SH3TC2: variants seen among roughly 807,000 people sequenced by gnomAD.
SH3TC2 encodes SH3 domain and tetratricopeptide repeats 2.
SH3TC2 carries 87 observed loss-of-function variants against 124.5 expected under a neutral mutation model. The ratio of observed to expected loss-of-function variants is 0.70; its 90% CI spans 0.59 to 0.84. The LOEUF is 0.84. Ranked by LOEUF, SH3TC2 falls within the 40% of genes least tolerant of loss-of-function variation. SH3TC2 has a pLI of 0.00. For synonymous variants in SH3TC2, 634 were observed against 628.5 expected, an observed-to-expected ratio of 1.01 and a Z score of -0.13; for missense variants, 1,536 against 1,566.4, an observed-to-expected ratio of 0.98 and a Z score of 0.33.
chr5:149,051,239 A>G (rs1282233100), intron 2 of SH3TC2, among the ~76,000 whole-genome samples: 2 of 152,184 alleles, frequency 1.3e-5, no homozygotes, highest in Admixed American at 1.3e-4. Context: ...TAAGAATAAG[A>G]TTTGTTTCAC....
intron 12 of SH3TC2, among the ~76,000 whole-genome samples, chr5:149,021,526 A>G (rs537171031): frequency 6.6e-6 from 1 of 152,188 alleles, no homozygotes; most frequent in Admixed American, 6.5e-5. Flanking sequence ...ATCTCTGGCT[A>G]GTCTGATCAA....
chr5:149,009,653 C>G (rs1753751733), intron 14 of SH3TC2, among the ~76,000 whole-genome samples: 1 of 152,112 alleles, frequency 6.6e-6, no homozygotes, highest in Non-Finnish European at 1.5e-5. Flanking sequence ...GATAATGAGG[C>G]TTCCTAAACT....
intron 12 of SH3TC2, among the ~76,000 whole-genome samples, chr5:149,016,836 A>C (rs1753881964): frequency 6.6e-6 from 1 of 151,590 alleles, no homozygotes; most frequent in African/African-American, 2.4e-5. Context: ...GAGGCAGGAG[A>C]ATGGCATGAA....
Position 148,988,430 on chromosome 5 carries a change from C to T in SH3TC2, c.*16281G>A, listed in dbSNP as rs142027644. Among the ~76,000 whole-genome samples, 1 of 152,174 alleles carries T rather than the reference C, an allele frequency of 6.6e-6. No individual in the cohort carries two copies. The highest frequency in any genetic ancestry group is 1.5e-5 in the Non-Finnish European group (1 of 68,040). On this transcript the variant is annotated 3_prime_UTR_variant, in exon 17 of 17. Transcript: ENST00000515425. ...CCAATAAAATATAGCAGATGTGACACTGTGTGACTTCTGAGGCCAGGTCAT... is the reference window on the plus strand; with the variant it reads ...CCAATAAAATATAGCAGATGTGACATTGTGTGACTTCTGAGGCCAGGTCAT...
rs6871030 is a variant in SH3TC2 at position 149,006,962 on chromosome 5, T to C, written c.3594A>G (p.Pro1198=). The change falls in exon 16 of 17, where the codon CCA becomes CCG. Residue 1198 remains proline, a synonymous_variant. Transcript: ENST00000515425. The part of the protein sequence containing the change: ...CYLKTLSLCP[P]WLQSPKEALY... ...GGGCCTCCTTGGGACTCTGCAGCCA[T>C]GGTGGACAGAGGGACAGGGTCTTCA... The C allele has an allele frequency of 0.044, 71,050 of 1,613,864 alleles. 5,823 individuals are homozygous for C. Among genetic ancestry groups the C allele is most frequent in the African/African-American group, 0.27 (20,506 of 74,940 alleles).
In SH3TC2 at chr5:149,042,679, CT is replaced by C; in HGVS notation, c.529+14del. 1.2e-6 allele frequency: 2 copies of C among 1,614,014 alleles called. No individual in the cohort carries two copies. The highest frequency in any genetic ancestry group is 1.7e-5 in the Admixed American group (1 of 60,018). The stretch of plus-strand genomic sequence containing the variant: ...TCTGAATAAGATCCCATCTCTACCC[CT>C]ATGCCACACTCACCTTCCTGTATCA... On this transcript the variant is annotated intron_variant, in intron 5 of 16. Transcript: ENST00000515425.
intron 13 of SH3TC2, among the ~76,000 whole-genome samples, chr5:149,011,670 A>G (rs969347205): frequency 2.6e-5 from 4 of 152,362 alleles, no homozygotes; most frequent in African/African-American, 9.6e-5. Context: ...TCCTGTACAT[A>G]GGAAGCATGC....
intron 12 of SH3TC2, among the ~76,000 whole-genome samples, chr5:149,015,936 C>A (rs546741155): frequency 5.9e-5 from 9 of 152,290 alleles, no homozygotes; most frequent in Non-Finnish European, 7.4e-5. Context: ...GAATTCTTAG[C>A]CCATTTTGCA....
At position 148,992,954 on chromosome 5, in the gene SH3TC2, T is replaced by G. The variant is rs1753445739; in HGVS notation, c.*11757A>C. On this transcript the variant is annotated 3_prime_UTR_variant, in exon 17 of 17. Transcript: ENST00000515425. ...GGTCCTCTGTATCTCATCATTTCCTTGAAGTTTGTATCATTGATAGTTACC... is the reference window on the plus strand; with the variant it reads ...GGTCCTCTGTATCTCATCATTTCCTGGAAGTTTGTATCATTGATAGTTACC... Among the ~76,000 whole-genome samples, 1 of 152,204 alleles carries G rather than the reference T, an allele frequency of 6.6e-6. No homozygotes were observed. Among genetic ancestry groups the G allele is most frequent in the Admixed American group, 6.5e-5 (1 of 15,274 alleles).
intron 1 of SH3TC2, among the ~76,000 whole-genome samples, chr5:149,059,002 C>A (rs250675): frequency 0.2 from 30,120 of 151,704 alleles, 3,415 homozygotes; most frequent in African/African-American, 0.29. Flanking sequence ...GTGGCCCTGG[C>A]AATGAGAAGT....
Position 149,012,709 on chromosome 5 carries a change from T to C in SH3TC2, c.3079A>G (p.Ile1027Val), listed in dbSNP as rs925947934. ...ATGAAGATACGCAGGCTCTCCTTGA[T>C]GCATGTGAGTGACCTCCTGAGGGAC... ...ARSLRRSLTC[I>V]KESLRIFIDL... The change falls in exon 13 of 17, where the codon ATC becomes GTC. Residue 1027 changes from isoleucine (I) to valine (V), a missense_variant. By Grantham distance (29) the Ile-to-Val change is conservative. Transcript: ENST00000515425. The C allele has an allele frequency of 2.5e-6, 4 of 1,614,002 alleles. No individual in the cohort carries two copies. The highest frequency in any genetic ancestry group is 3.4e-6 in the Non-Finnish European group (4 of 1,180,038).
rs779615316 is a variant in SH3TC2, at chr5:149,007,023, G to A, written c.3533C>T (p.Ser1178Phe). The A allele has an allele frequency of 6.2e-7, 1 of 1,614,186 alleles. No individual in the cohort carries two copies. Among genetic ancestry groups the A allele is most frequent in the South Asian group, 1.1e-5 (1 of 91,084 alleles). The change falls in exon 16 of 17, where the codon TCC becomes TTC. Residue 1178 changes from serine to phenylalanine, a missense_variant. Physicochemically the swap from Ser to Phe is radical, Grantham distance 155 (BLOSUM62 -2). Transcript: ENST00000515425. ...CTCAGCCATCTCATACATGTGCAGGGAGTAGTACACTGTAGCCAGGCGGTG... is the reference window on the plus strand; with the variant it reads ...CTCAGCCATCTCATACATGTGCAGGAAGTAGTACACTGTAGCCAGGCGGTG... ...AFHRLATVYY[S>F]LHMYEMAEDC...
intron 12 of SH3TC2, among the ~76,000 whole-genome samples, chr5:149,017,862 G>C (rs1192242700): frequency 6.6e-6 from 1 of 152,214 alleles, no homozygotes; most frequent in Non-Finnish European, 1.5e-5. Context: ...GTTAAACTAT[G>C]GCCCATGAGC....
At chr5:149,013,496 T>C (rs1207459530) in intron 12 of SH3TC2, among the ~76,000 whole-genome samples, 1 of 152,172 alleles carries the variant, frequency 6.6e-6, no homozygotes, top group Non-Finnish European at 1.5e-5. Context: ...CAGTTACTAA[T>C]ACAAAATAGA....
intron 1 of SH3TC2, among the ~76,000 whole-genome samples, chr5:149,055,041 T>C (rs1754618262): frequency 6.6e-6 from 1 of 152,136 alleles, no homozygotes. Context: ...TAGATAATTG[T>C]TTTTAAAAAG....
At chr5:149,032,630 C>A (rs868413807) in intron 8 of SH3TC2, among the ~76,000 whole-genome samples, 3 of 152,186 alleles carry the variant, frequency 2.0e-5, no homozygotes, top group Non-Finnish European at 4.4e-5. Flanking sequence ...ATACAAGGCA[C>A]GTACTACTCT....
chr5:148,994,354 A>G lies in SH3TC2; in HGVS notation c.*10357T>C, dbSNP rs1753468984. On this transcript the variant is annotated 3_prime_UTR_variant, in exon 17 of 17. Transcript: ENST00000515425. ...TAGGAGAAATTAAGAGAAGTCAATG[A>G]TATAATAAGAGTATAACCTTTAGTA... Among the ~76,000 whole-genome samples the G allele has an allele frequency of 6.6e-6, 1 of 152,220 alleles. No individual in the cohort carries two copies. The highest frequency in any genetic ancestry group is 2.4e-5 in the African/African-American group (1 of 41,456).
chr5:149,008,870 G>A lies in SH3TC2; in HGVS notation c.3459C>T (p.Ala1153=), dbSNP rs1030348232. 6.2e-7 allele frequency: 1 copy of A among 1,614,188 alleles called. No individual in the cohort carries two copies. Among genetic ancestry groups the A allele is most frequent in the South Asian group, 1.1e-5 (1 of 91,080 alleles). ...ACCCACCTGTGACTGTGCTGAGCCT[G>A]GCGGCCAGGGTGGCAAATTCCAAAG... is the stretch of plus-strand genomic sequence containing the variant. The part of the protein sequence containing the change: ...EKALEFATLA[A]RLSTVTGDQR... The change falls in exon 15 of 17, where the codon GCC becomes GCT. Residue 1153 remains alanine, a synonymous_variant. Coordinates refer to ENST00000515425, the MANE Select transcript of SH3TC2 (RefSeq NM_024577.4).
rs1754428816 is a variant in SH3TC2 at position 149,044,701 on chromosome 5, T to C, written c.280-63A>G. On this transcript the variant is annotated intron_variant, in intron 3 of 16. Coordinates refer to ENST00000515425, the MANE Select transcript of SH3TC2 (RefSeq NM_024577.4). ...GAAGTGTCCCATTAGCAAGCTCTTA[T>C]ATAGACCAAATACTCTGTATGAACT... 9 of 1,236,828 alleles carry C rather than the reference T, an allele frequency of 7.3e-6. No individual in the cohort carries two copies. In the East Asian group the frequency reaches 1.2e-4, roughly 16 times the overall value. The allele number at this position is 1,236,828 out of a possible 1,614,324, so 76.6% of individuals were successfully genotyped here.
Sources: gnomAD v4.1 joint callset for allele counts (sites outside exome capture counted in the v4.1 genomes callset) on GRCh38, gnomAD v4.1.1 for gene constraint, MANE v1.5 for transcripts, NCBI Gene and HGNC (gene_info 2026-07-23, HGNC 2026-07-21) for gene names.